RGS9: variants seen among roughly 807,000 people sequenced by gnomAD.
The protein encoded by RGS9 is regulator of G-protein signalling 9.
In RGS9, 78 loss-of-function variants were observed where a neutral mutation model predicts 102.0. That is an observed-to-expected ratio of 0.76 (90% confidence interval 0.64 to 0.92). RGS9 has a LOEUF of 0.92. Among genes scored for constraint, RGS9 ranks in the 40% least tolerant of loss-of-function variants. The probability of loss-of-function intolerance (pLI) is 0.00; values close to 1 mark genes in which losing one functional copy is unlikely to be tolerated. For missense variants in RGS9, 833 were observed against 866.1 expected (o/e 0.96, Z 0.48); for synonymous variants, 353 against 318.6 (o/e 1.11, Z -1.15).
intron 10 of RGS9, 129 bp downstream of exon 10, chr17:65,189,444 A>G: frequency 1.3e-6 from 1 of 772,552 alleles, no homozygotes; most frequent in Non-Finnish European, 2.3e-6. Flanking sequence ...ATTATTTCCA[A>G]ATTCACGGAC....
chr17:65,220,026 TACCATCATC>T (rs1438875818), intron 17 of RGS9, among the ~76,000 whole-genome samples: 4 of 151,170 alleles, frequency 2.6e-5, no homozygotes, highest in Admixed American at 6.6e-5. Flanking sequence ...TCACCACCAC[TACCATCATC>T]ACCATCATCA....
At chr17:65,148,063 C>T (rs565516485) in intron 1 of RGS9, among the ~76,000 whole-genome samples, 1 of 152,148 alleles carries the variant, frequency 6.6e-6, no homozygotes, top group Non-Finnish European at 1.5e-5. Context: ...TGTTGAGTAG[C>T]AACTCCCCAG....
intron 7 of RGS9, among the ~76,000 whole-genome samples, chr17:65,164,474 T>TC (rs779439903): frequency 2.0e-5 from 3 of 151,732 alleles, no homozygotes; most frequent in African/African-American, 7.3e-5. Context: ...AAACCGATGA[T>TC]CCCCCCAGTC....
intron 1 of RGS9, among the ~76,000 whole-genome samples, chr17:65,148,302 C>G (rs1910448041): frequency 6.6e-6 from 1 of 152,182 alleles, no homozygotes; most frequent in African/African-American, 2.4e-5. Flanking sequence ...AACACATTTT[C>G]TTTGTTCATC....
intron 13 of RGS9, among the ~76,000 whole-genome samples, chr17:65,200,393 A>G (rs1280691516): frequency 6.6e-6 from 1 of 152,134 alleles, no homozygotes; most frequent in African/African-American, 2.4e-5. Flanking sequence ...TATTTTGTTC[A>G]TCCATTCTTT....
At chr17:65,191,391 G>C (rs1039875741) in intron 11 of RGS9, among the ~76,000 whole-genome samples, 1 of 150,920 alleles carries the variant, frequency 6.6e-6, no homozygotes, top group Admixed American at 6.6e-5. Context: ...TGTTGTTGTT[G>C]TTTTTTACCT....
Position 65,138,446 on chromosome 17 carries a change from C to G in RGS9, c.57+849C>G, listed in dbSNP as rs184626027. 1.4e-4 allele frequency among the ~76,000 whole-genome samples: 22 copies of G among 152,242 alleles called. No individual in the cohort carries two copies. In the East Asian group the frequency reaches 4.2e-3, roughly 29 times the overall value. On this transcript the variant is annotated intron_variant, in intron 1 of 18. Transcript: ENST00000262406. Reference sequence around the variant, plus strand: ...CTGAGCTCTCCCTGAGCCCCTGGAGCTCAGCAAATTTGTATAGTCAGTGAC... The same window carrying G: ...CTGAGCTCTCCCTGAGCCCCTGGAGGTCAGCAAATTTGTATAGTCAGTGAC...
At chr17:65,158,413 T>C in intron 3 of RGS9, 68 bp downstream of exon 3, 2 of 1,362,066 alleles carry the variant, frequency 1.5e-6, no homozygotes, top group South Asian at 1.2e-5. Context: ...AGAAACTAAA[T>C]AGAGACTTAG....
intron 17 of RGS9, among the ~76,000 whole-genome samples, chr17:65,221,693 C>T (rs762250080): frequency 1.3e-5 from 2 of 152,166 alleles, no homozygotes; most frequent in Non-Finnish European, 2.9e-5. Context: ...AAACACTTCC[C>T]GCGGTTCTGA....
intron 13 of RGS9, among the ~76,000 whole-genome samples, chr17:65,200,193 G>A (rs572973958): frequency 5.3e-5 from 8 of 151,886 alleles, no homozygotes; most frequent in South Asian, 2.1e-4. Flanking sequence ...CACCACGGCC[G>A]GCTAATTTTT....
intron 1 of RGS9, among the ~76,000 whole-genome samples, chr17:65,152,461 G>A (rs1231485707): frequency 1.3e-5 from 2 of 152,212 alleles, no homozygotes; most frequent in African/African-American, 4.8e-5. Flanking sequence ...CTAAAATAAT[G>A]GAAAGCCCAT....
chr17:65,193,752 G>A, intron 12 of RGS9, 96 bp downstream of exon 12: 1 of 757,898 alleles, frequency 1.3e-6, no homozygotes, highest in Non-Finnish European at 2.4e-6. Context: ...ACAGTTCAAT[G>A]GTTTTTATTA....
rs146258319 is a variant in RGS9, at chr17:65,178,480, C to CTATTTATTTATTTATT, written c.654+688_654+703dup. Among the ~76,000 whole-genome samples, 163 of 150,402 alleles carry CTATTTATTTATTTATT rather than the reference C, an allele frequency of 1.1e-3. 1 individual carries two copies. The highest frequency in any genetic ancestry group is 3.8e-3 in the African/African-American group (155 of 40,638). ...TGGGCCAGATAATTCTTTTTTTTTCCTATTTATTTATTTATTTATTTATTT... is the reference window on the plus strand; with the variant it reads ...TGGGCCAGATAATTCTTTTTTTTTCCTATTTATTTATTTATTTATTTATTTATTTATTTATTTATTT... On this transcript the variant is annotated intron_variant, in intron 9 of 18. Transcript: ENST00000262406.
At chr17:65,160,718 T>C in intron 5 of RGS9, 131 bp downstream of exon 5, 1 of 1,381,822 alleles carries the variant, frequency 7.2e-7, no homozygotes. Flanking sequence ...ACTGGGCATG[T>C]CCCCAGGGGC....
intron 8 of RGS9, among the ~76,000 whole-genome samples, chr17:65,174,611 G>A (rs1911552249): frequency 6.6e-6 from 1 of 151,948 alleles, no homozygotes; most frequent in Non-Finnish European, 1.5e-5. Context: ...CTAGGTTTGT[G>A]CATGCATGTA....
chr17:65,198,851 G>A (rs1598608796), intron 13 of RGS9, among the ~76,000 whole-genome samples: 1 of 152,312 alleles, frequency 6.6e-6, no homozygotes, highest in East Asian at 1.9e-4. Flanking sequence ...AATATGGATT[G>A]TTGATAATCA....
intron 17 of RGS9, among the ~76,000 whole-genome samples, chr17:65,223,014 T>C (rs1005617884): frequency 1.3e-5 from 2 of 152,186 alleles, no homozygotes; most frequent in Admixed American, 1.3e-4. Flanking sequence ...AGGGTGTCCC[T>C]GGAGGAATGG....
At chr17:65,205,665 A>G (rs1042008528) in intron 15 of RGS9, among the ~76,000 whole-genome samples, 1 of 151,882 alleles carries the variant, frequency 6.6e-6, no homozygotes, top group African/African-American at 2.4e-5. Context: ...GATATAGGCT[A>G]TATGAGATAG....
At chr17:65,224,879 A>T (rs1905558909) in intron 17 of RGS9, 123 bp from the exon 18 acceptor site, 1 of 1,323,664 alleles carries the variant, frequency 7.6e-7, no homozygotes, top group African/African-American at 1.4e-5. Context: ...CCTAGGAGGC[A>T]GCCATATCAG....
Sources: gnomAD v4.1 joint callset for allele counts (sites outside exome capture counted in the v4.1 genomes callset) on GRCh38, gnomAD v4.1.1 for gene constraint, MANE v1.5 for transcripts, NCBI Gene and HGNC (gene_info 2026-07-23, HGNC 2026-07-21) for gene names.